Variants in USPL1 observed in about 807,000 individuals in gnomAD.
The protein encoded by USPL1 is ubiquitin specific peptidase like 1, also known as SUMO-specific isopeptidase USPL1.
Under a neutral mutation model 51.5 loss-of-function variants are expected in USPL1, and 27 were observed. That is an observed-to-expected ratio of 0.52 (90% confidence interval 0.39 to 0.72). The LOEUF (loss-of-function observed/expected upper bound fraction) is 0.72. Among genes scored for constraint, USPL1 ranks in the 30% least tolerant of loss-of-function variants. The pLI, the probability that USPL1 is intolerant of heterozygous loss-of-function variation, is 0.00. For synonymous variants in USPL1, 451 were observed against 459.6 expected (o/e 0.98, Z 0.24); for missense variants, 1,226 against 1,268.0 (o/e 0.97, Z 0.50).
intron 3 of USPL1, among the ~76,000 whole-genome samples, chr13:30,630,033 G>C (rs1231542499): frequency 6.6e-6 from 1 of 152,088 alleles, no homozygotes; most frequent in African/African-American, 2.4e-5. Context: ...GAGCAGTAGA[G>C]TGGGGCAATC....
At chr13:30,622,452 A>T (rs771301736) in intron 3 of USPL1, among the ~76,000 whole-genome samples, 7 of 152,184 alleles carry the variant, frequency 4.6e-5, no homozygotes, top group Non-Finnish European at 1.0e-4. Context: ...ATTTTATTGT[A>T]TTTGACAGTT....
chr13:30,630,752 CAT>C, intron 3 of USPL1, 81 bp from the exon 4 acceptor site: 1 of 1,359,632 alleles, frequency 7.4e-7, no homozygotes, highest in Non-Finnish European at 9.9e-7. Context: ...ACATTCTATA[CAT>C]GTTTTTCATG....
Position 30,657,700 on chromosome 13 carries a change from A to T in USPL1, c.1623A>T (p.Ser541=). The T allele has an allele frequency of 6.2e-7, 1 of 1,614,190 alleles. No individual in the cohort carries two copies. Among genetic ancestry groups the T allele is most frequent in the Non-Finnish European group, 8.5e-7 (1 of 1,180,004 alleles). ...LTSCSVGDAA[S]AETASVTHPK... ...CGTGTTCTGTGGGTGATGCTGCCTC[A>T]GCTGAAACAGCCTCAGTAACTCACC... The change falls in exon 9 of 9, where the codon TCA becomes TCT. Residue 541 remains serine, a synonymous_variant. Transcript: ENST00000255304.
At chr13:30,654,406 CTT>C (rs374088829) in intron 8 of USPL1, among the ~76,000 whole-genome samples, 1 of 148,462 alleles carries the variant, frequency 6.7e-6, no homozygotes, top group Admixed American at 6.7e-5. Context: ...CTCTCTCTCT[CTT>C]TTTTTTTTGA....
chr13:30,643,554 C>T (rs1950975759), intron 6 of USPL1, among the ~76,000 whole-genome samples: 2 of 149,026 alleles, frequency 1.3e-5, no homozygotes, highest in Admixed American at 6.7e-5. Flanking sequence ...CAGACTGGCT[C>T]AATTGTTCGT....
intron 6 of USPL1, among the ~76,000 whole-genome samples, chr13:30,646,703 G>C (rs1951021880): frequency 6.6e-6 from 1 of 152,204 alleles, no homozygotes; most frequent in African/African-American, 2.4e-5. Flanking sequence ...GAGGAACCCT[G>C]TCTTTTTTTC....
In USPL1 at chr13:30,647,865, T is replaced by C. The variant is rs75314890; in HGVS notation, c.1238+808T>C. The stretch of plus-strand genomic sequence containing the variant: ...AAGTAATAAATCCTCAGTTTATCAG[T>C]GCTTACAGGCTCAAAAGGGAAAAAG... On this transcript the variant is annotated intron_variant, in intron 7 of 8. Coordinates refer to ENST00000255304, the MANE Select transcript of USPL1 (RefSeq NM_005800.5). Among the ~76,000 whole-genome samples, 675 of 152,322 alleles carry C rather than the reference T, an allele frequency of 4.4e-3. 5 individuals carry two copies. Among genetic ancestry groups the C allele is most frequent in the African/African-American group, 0.014 (578 of 41,572 alleles).
At chr13:30,649,495 GA>G (rs2137698932) in intron 7 of USPL1, among the ~76,000 whole-genome samples, 1 of 152,312 alleles carries the variant, frequency 6.6e-6, no homozygotes, top group South Asian at 2.1e-4. Context: ...TCCCCATTGG[GA>G]AAAGAGTCCA....
intron 8 of USPL1, among the ~76,000 whole-genome samples, chr13:30,653,752 G>T (rs796815594): frequency 1.2e-4 from 18 of 152,246 alleles, no homozygotes; most frequent in African/African-American, 4.3e-4. Flanking sequence ...AAACTTCTTA[G>T]TGGAAAGCTA....
chr13:30,659,061 A>G lies in USPL1; in HGVS notation c.2984A>G (p.Tyr995Cys), dbSNP rs755223263. Residue 995 changes from tyrosine to cysteine, a missense_variant, in exon 9 of 9, where the codon TAT (tyrosine) becomes TGT (cysteine). By Grantham distance (194) the Tyr-to-Cys change is radical (BLOSUM62 -2). Coordinates refer to ENST00000255304, the MANE Select transcript of USPL1 (RefSeq NM_005800.5). ...LSENGEGDFR[Y>C]LGMGDSHIPP... Reference sequence around the variant, plus strand: ...GAAAATGGGGAAGGTGACTTTAGGTATTTGGGAATGGGAGATAGTCATATC... The same window carrying G: ...GAAAATGGGGAAGGTGACTTTAGGTGTTTGGGAATGGGAGATAGTCATATC... 16 of 1,614,198 alleles carry G rather than the reference A, an allele frequency of 9.9e-6. No homozygotes were observed. In the South Asian group the frequency reaches 1.8e-4, roughly 18 times the overall value.
chr13:30,638,153 G>C (rs1201484449), intron 5 of USPL1, among the ~76,000 whole-genome samples: 1 of 152,320 alleles, frequency 6.6e-6, no homozygotes, highest in African/African-American at 2.4e-5. Flanking sequence ...CTAGTAGACA[G>C]ATCTAGCATT....
rs2137737549 is a variant in USPL1 at position 30,658,905 on chromosome 13, C to T, written c.2828C>T (p.Pro943Leu). The change falls in exon 9 of 9, where the codon CCA (proline) becomes CTA (leucine). Residue 943 changes from proline to leucine, a missense_variant. Pro to Leu is a moderately conservative substitution (Grantham distance 98). Coordinates refer to ENST00000255304, the MANE Select transcript of USPL1 (RefSeq NM_005800.5). ...ESIEDLLNELPYPIDIASESA... is the reference protein window; with the variant it reads ...ESIEDLLNELLYPIDIASESA... The stretch of plus-strand genomic sequence containing the variant: ...ATAGAGGACTTGTTAAATGAGCTAC[C>T]ATATCCAATTGATATTGCCAGTGAG... 6.2e-7 allele frequency: 1 copy of T among 1,614,148 alleles called. No homozygotes were observed.
rs1375061733 is a variant in USPL1 at position 30,631,420 on chromosome 13, A to C, written c.814A>C (p.Lys272Gln). ...ATCTATATTCTGGCGGTTGCTTACA[A>C]AATATAATCAAGCAAATACACTTCT... Reference protein sequence around the residue: ...EESIFWRLLTKYNQANTLLYT... With the variant: ...EESIFWRLLTQYNQANTLLYT... The change falls in exon 4 of 9, where the codon AAA (lysine) becomes CAA (glutamine). Residue 272 changes from lysine (K) to glutamine (Q), a missense_variant. Physicochemically the swap from Lys to Gln is moderately conservative, Grantham distance 53 (BLOSUM62 1). Coordinates refer to ENST00000255304, the MANE Select transcript of USPL1 (RefSeq NM_005800.5). 4 of 1,614,094 alleles carry C rather than the reference A, an allele frequency of 2.5e-6. No homozygotes were observed. The highest frequency in any genetic ancestry group is 3.4e-6 in the Non-Finnish European group (4 of 1,180,042).
intron 3 of USPL1, among the ~76,000 whole-genome samples, chr13:30,625,526 A>G (rs1593361534): frequency 6.8e-6 from 1 of 147,610 alleles, no homozygotes; most frequent in South Asian, 2.1e-4. Context: ...GCTCACCGCA[A>G]CCTCCGACTC....
chr13:30,637,138 G>A (rs1276676222), intron 4 of USPL1, among the ~76,000 whole-genome samples: 1 of 152,086 alleles, frequency 6.6e-6, no homozygotes, highest in African/African-American at 2.4e-5. Context: ...TAAGAGATAG[G>A]GGTTTCACTA....
Position 30,653,302 on chromosome 13 carries a change from G to A in USPL1, c.1393G>A (p.Asp465Asn), listed in dbSNP as rs752584098. The A allele has an allele frequency of 6.3e-7, 1 of 1,592,594 alleles. No individual in the cohort carries two copies. The highest frequency in any genetic ancestry group is 1.1e-5 in the South Asian group (1 of 89,298). Residue 465 changes from aspartate to asparagine, a missense_variant, in exon 8 of 9, where the codon GAT becomes AAT. Asp to Asn is a conservative substitution (Grantham distance 23). Transcript: ENST00000255304. The stretch of plus-strand genomic sequence containing the variant: ...TTTTATAACATGGATTTTAGATGCT[G>A]ATGGTAAGTGTTTAGAGGTTTTCTT... ...NHFITWILDA[D>N]GSWLECDDLK...
At position 30,658,137 on chromosome 13, in the gene USPL1, T is replaced by A. The variant is rs1350122543; in HGVS notation, c.2060T>A (p.Leu687His). 1 of 1,613,612 alleles carries A rather than the reference T, an allele frequency of 6.2e-7. No homozygotes were observed. The highest frequency in any genetic ancestry group is 8.5e-7 in the Non-Finnish European group (1 of 1,180,020). Residue 687 changes from leucine to histidine, a missense_variant, in exon 9 of 9, where the codon CTT becomes CAT. Physicochemically the swap from Leu to His is moderately conservative, Grantham distance 99 (BLOSUM62 -3). Coordinates refer to ENST00000255304, the MANE Select transcript of USPL1 (RefSeq NM_005800.5). ...KSVNNTDATG[L>H]IQGVKSVEIE... is the part of the protein sequence containing the mutation. ...GTGAATAATACTGATGCTACTGGTC[T>A]TATACAGGGAGTGAAGTCAGTAGAA...
intron 3 of USPL1, among the ~76,000 whole-genome samples, chr13:30,624,885 G>T (rs1292775302): frequency 6.6e-6 from 1 of 152,170 alleles, no homozygotes; most frequent in Non-Finnish European, 1.5e-5. Flanking sequence ...GTAGCCAAGG[G>T]TAATTATCTC....
At chr13:30,645,289 G>T (rs1294562815) in intron 6 of USPL1, among the ~76,000 whole-genome samples, 1 of 152,178 alleles carries the variant, frequency 6.6e-6, no homozygotes, top group Admixed American at 6.5e-5. Context: ...AGGAACTCAG[G>T]CACTGGAAAT....
Sources: gnomAD v4.1 joint callset for allele counts (sites outside exome capture counted in the v4.1 genomes callset) on GRCh38, gnomAD v4.1.1 for gene constraint, MANE v1.5 for transcripts, NCBI Gene and HGNC (gene_info 2026-07-23, HGNC 2026-07-21) for gene names.